The following CDH4 variants were observed in gnomAD, a reference collection of about 807,000 sequenced individuals.
The protein encoded by CDH4 is cadherin-4.
A neutral mutation model predicts 86.0 loss-of-function variants in CDH4; 33 were observed. The ratio of observed to expected loss-of-function variants is 0.38; its 90% confidence interval spans 0.29 to 0.51. The LOEUF is 0.51. Ranked by LOEUF, CDH4 falls within the 20% of genes least tolerant of loss-of-function variation. The pLI is 0.86. For synonymous variants in CDH4, 555 were observed against 549.4 expected, an observed-to-expected ratio of 1.01 and a Z score of -0.14; for missense variants, 1,114 against 1,307.4, an observed-to-expected ratio of 0.85 and a Z score of 2.28.
chr20:61,491,225 G>A (rs2085624123), intron 2 of CDH4, among the ~76,000 whole-genome samples: 1 of 152,200 alleles, frequency 6.6e-6, no homozygotes, highest in East Asian at 1.9e-4. Flanking sequence ...TGGTTTTCAG[G>A]AGAGTTTTCT....
At chr20:61,422,908 A>G (rs1481179358) in intron 2 of CDH4, among the ~76,000 whole-genome samples, 1 of 152,192 alleles carries the variant, frequency 6.6e-6, no homozygotes, top group African/African-American at 2.4e-5. Context: ...GTCAGGTGTC[A>G]ATCAGGATTC....
chr20:61,596,050 T>A (rs186465386), intron 2 of CDH4, among the ~76,000 whole-genome samples: 151 of 152,338 alleles, frequency 9.9e-4, no homozygotes, highest in South Asian at 2.1e-3. Flanking sequence ...ACACAGCTTC[T>A]CCATGACAGA....
rs2084174729 is a variant in CDH4 at position 61,269,837 on chromosome 20, C to T, written c.169+14900C>T. On this transcript the variant is annotated intron_variant, in intron 2 of 15. Transcript: ENST00000614565. The surrounding 1 kb of genome is among the most constrained non-coding windows in gnomAD (Gnocchi z 5.3). ...CTGTCAGATAGCAACTCCATGTTCC[C>T]GACGCATGACCGGACCTCCAGAGCC... 6.6e-6 allele frequency among the ~76,000 whole-genome samples: 1 copy of T among 152,016 alleles called. No individual in the cohort carries two copies. The highest frequency in any genetic ancestry group is 6.6e-5 in the Admixed American group (1 of 15,262).
At chr20:61,677,683 GGACGGACGGACA>G (rs2087458906) in intron 2 of CDH4, among the ~76,000 whole-genome samples, 2 of 151,608 alleles carry the variant, frequency 1.3e-5, no homozygotes, top group African/African-American at 4.8e-5. Context: ...GTGGACAGAC[GGACGGACGGACA>G]GACGGACGGA....
chr20:61,320,507 T>G (rs2427078), intron 2 of CDH4, among the ~76,000 whole-genome samples: 124,869 of 151,750 alleles, frequency 0.82, 52,833 homozygotes, highest in East Asian at 1. Context: ...CATGAAATGT[T>G]TTACTTCAGC....
At chr20:61,901,324 G>A (rs1352358943) in intron 8 of CDH4, among the ~76,000 whole-genome samples, 1 of 152,200 alleles carries the variant, frequency 6.6e-6, no homozygotes, top group Non-Finnish European at 1.5e-5. Flanking sequence ...TCAGAACTCA[G>A]CAGAAATCGT....
intron 2 of CDH4, among the ~76,000 whole-genome samples, chr20:61,539,294 TAGTC>T (rs1456503022): frequency 6.6e-6 from 1 of 152,152 alleles, no homozygotes; most frequent in Admixed American, 6.5e-5. Context: ...GTAGGTGTAT[TAGTC>T]AGTTGGGACC....
At chr20:61,456,499 A>C (rs1310965892) in intron 2 of CDH4, among the ~76,000 whole-genome samples, 3 of 152,236 alleles carry the variant, frequency 2.0e-5, no homozygotes, top group Admixed American at 6.5e-5. Flanking sequence ...GGGGATAAGC[A>C]GGGGTGCTGC....
At chr20:61,634,259 T>C (rs1039834552) in intron 2 of CDH4, among the ~76,000 whole-genome samples, 3 of 152,144 alleles carry the variant, frequency 2.0e-5, no homozygotes. Flanking sequence ...CTCCTTCCTG[T>C]GTGTGGACAG....
intron 2 of CDH4, among the ~76,000 whole-genome samples, chr20:61,471,901 A>G (rs1347811664): frequency 6.6e-6 from 1 of 151,942 alleles, no homozygotes; most frequent in African/African-American, 2.4e-5. Flanking sequence ...ATGTTTTAAG[A>G]TTTGTTTTTG....
chr20:61,486,896 TAATAA>T (rs2085599870), intron 2 of CDH4, among the ~76,000 whole-genome samples: 1 of 152,034 alleles, frequency 6.6e-6, no homozygotes, highest in Non-Finnish European at 1.5e-5. Flanking sequence ...CTCTAAAAAA[TAATAA>T]AATAATAATG....
In CDH4 at chr20:61,403,580, G is replaced by A. The variant is rs753923417; in HGVS notation, c.169+148643G>A. Among the ~76,000 whole-genome samples, 5 of 152,150 alleles carry A rather than the reference G, an allele frequency of 3.3e-5. No homozygotes were observed. The South Asian group carries it at 6.2e-4, about 19-fold the overall frequency. ...ATCATCGTGGAAAACATGCAGGCTG[G>A]ATTAAGAGACTAGGACGGGACTTTT... On this transcript the variant is annotated intron_variant, in intron 2 of 15. Coordinates refer to ENST00000614565, the MANE Select transcript of CDH4 (RefSeq NM_001794.5).
chr20:61,736,049 C>T (rs895374039), intron 2 of CDH4, among the ~76,000 whole-genome samples: 11 of 152,182 alleles, frequency 7.2e-5, no homozygotes, highest in African/African-American at 2.2e-4. Flanking sequence ...CCAGAGGATG[C>T]GGGACCTCCT....
At chr20:61,726,371 C>G (rs2088111362) in intron 2 of CDH4, among the ~76,000 whole-genome samples, 1 of 152,120 alleles carries the variant, frequency 6.6e-6, no homozygotes. Flanking sequence ...CCCTCCTCAA[C>G]TGATACATCT....
In CDH4 at chr20:61,358,605, TAA is replaced by T. The variant is rs1429941499; in HGVS notation, c.169+103670_169+103671del. Reference sequence around the variant, plus strand: ...GTAAAACCTAAAATCCAGTCCCTTGTAAAGAGATATCCCCGTATTTTACACAG... The same window carrying T: ...GTAAAACCTAAAATCCAGTCCCTTGTAGAGATATCCCCGTATTTTACACAG... On this transcript the variant is annotated intron_variant, in intron 2 of 15. Coordinates refer to ENST00000614565, the MANE Select transcript of CDH4 (RefSeq NM_001794.5). Among the ~76,000 whole-genome samples the T allele has an allele frequency of 3.3e-5, 5 of 152,214 alleles. No homozygotes were observed. In the East Asian group the frequency reaches 9.6e-4, roughly 29 times the overall value.
At chr20:61,713,236 A>G (rs1278923608) in intron 2 of CDH4, among the ~76,000 whole-genome samples, 3 of 152,192 alleles carry the variant, frequency 2.0e-5, no homozygotes, top group African/African-American at 4.8e-5. Flanking sequence ...CATGTCCTCC[A>G]GGTTCAAGGT....
intron 2 of CDH4, among the ~76,000 whole-genome samples, chr20:61,424,228 A>C (rs1265270689): frequency 7.0e-6 from 1 of 142,862 alleles, no homozygotes; most frequent in Admixed American, 6.8e-5. Context: ...ACATGTATAT[A>C]CACATATCCA....
intron 6 of CDH4, among the ~76,000 whole-genome samples, chr20:61,864,320 G>A (rs1319459101): frequency 1.3e-5 from 2 of 152,226 alleles, no homozygotes; most frequent in African/African-American, 4.8e-5. Context: ...CGGTGCTTTG[G>A]CACAGCAGCC....
chr20:61,792,906 C>A (rs914386050), intron 4 of CDH4, among the ~76,000 whole-genome samples: 3 of 152,146 alleles, frequency 2.0e-5, no homozygotes, highest in Non-Finnish European at 2.9e-5. Context: ...GCCTCGGCCT[C>A]CCAAAGTGCT....
Sources: allele counts gnomAD v4.1 joint callset (sites outside exome capture counted in the v4.1 genomes callset), GRCh38; gene constraint gnomAD v4.1.1; non-coding constraint Gnocchi (gnomAD v3.1); transcripts MANE v1.5; gene names NCBI Gene and HGNC (gene_info 2026-07-23, HGNC 2026-07-21).